MTREX: variants seen among roughly 807,000 people sequenced by gnomAD.
The protein encoded by MTREX is exosome RNA helicase MTR4.
A neutral mutation model predicts 135.4 loss-of-function variants in MTREX; 76 were observed. The ratio of observed to expected loss-of-function variants is 0.56; its 90% CI spans 0.47 to 0.68. The LOEUF is 0.68. MTREX is among the 30% of genes least tolerant of loss of function. The pLI is 0.00. For synonymous variants in MTREX, 404 were observed against 401.6 expected, an observed-to-expected ratio of 1.01 and a Z score of -0.07; for missense variants, 920 against 1,262.1, an observed-to-expected ratio of 0.73 and a Z score of 4.11.
At chr5:55,398,926 G>A (rs528263626) in intron 20 of MTREX, among the ~76,000 whole-genome samples, 7 of 152,256 alleles carry the variant, frequency 4.6e-5, no homozygotes, top group Admixed American at 2.6e-4. Flanking sequence ...ATAGTGAGAA[G>A]CCACAGGAGG....
At chr5:55,351,220 ATT>A (rs1171924528) in intron 13 of MTREX, among the ~76,000 whole-genome samples, 191 bp downstream of exon 13, 2 of 152,048 alleles carry the variant, frequency 1.3e-5, no homozygotes, top group African/African-American at 4.8e-5. Flanking sequence ...AAAAAAAAAC[ATT>A]TGTTTCCTTT....
intron 5 of MTREX, among the ~76,000 whole-genome samples, chr5:55,332,430 T>C (rs1749493218): frequency 6.6e-6 from 1 of 152,214 alleles, no homozygotes; most frequent in Non-Finnish European, 1.5e-5. Context: ...GCACCAGTCA[T>C]CCTGTTCATC....
chr5:55,386,054 G>C (rs936483236), intron 18 of MTREX, among the ~76,000 whole-genome samples: 1 of 152,076 alleles, frequency 6.6e-6, no homozygotes, highest in African/African-American at 2.4e-5. Flanking sequence ...TGGGATCTAG[G>C]TCAGAATACA....
chr5:55,327,839 C>T, intron 4 of MTREX, 61 bp downstream of exon 4: 2 of 1,244,430 alleles, frequency 1.6e-6, no homozygotes, highest in Non-Finnish European at 2.3e-6. Context: ...TCTTAAAATT[C>T]TTATTTCAAA....
At chr5:55,379,285 AT>A in intron 18 of MTREX, 90 bp downstream of exon 18, 1 of 735,498 alleles carries the variant, frequency 1.4e-6, no homozygotes, top group Non-Finnish European at 2.3e-6. Context: ...AAGAAATAAT[AT>A]TACCTGAAGA....
Position 55,405,412 on chromosome 5 carries a change from T to C in MTREX, c.2482-13T>C. On this transcript the variant is annotated splice_polypyrimidine_tract_variant and intron_variant, in intron 21 of 26. Coordinates refer to ENST00000230640, the MANE Select transcript of MTREX (RefSeq NM_015360.5). ...TTATTATTGAACTTTCTTTATACTT[T>C]CATGTGCTTTAGATTGCAATAGATA... The C allele has an allele frequency of 6.2e-7, 1 of 1,604,074 alleles. No homozygotes were observed. Among genetic ancestry groups the C allele is most frequent in the Non-Finnish European group, 8.5e-7 (1 of 1,172,526 alleles).
At chr5:55,414,712 T>G (rs1750940096) in intron 24 of MTREX, among the ~76,000 whole-genome samples, 1 of 152,156 alleles carries the variant, frequency 6.6e-6, no homozygotes. Flanking sequence ...TGCAGTGGCG[T>G]GATCTGGGCT....
chr5:55,397,170 C>G (rs1750659112), intron 19 of MTREX, among the ~76,000 whole-genome samples: 1 of 152,050 alleles, frequency 6.6e-6, no homozygotes, highest in African/African-American at 2.4e-5. Flanking sequence ...GAGGGGAGCT[C>G]TTATTTTTAT....
chr5:55,316,343 C>G (rs892025586), intron 1 of MTREX, among the ~76,000 whole-genome samples: 1 of 152,048 alleles, frequency 6.6e-6, no homozygotes, highest in Non-Finnish European at 1.5e-5. Flanking sequence ...CAAAAAACTT[C>G]AGGCCACTAT....
chr5:55,321,359 C>T (rs1749287262), intron 1 of MTREX, among the ~76,000 whole-genome samples: 1 of 152,170 alleles, frequency 6.6e-6, no homozygotes, highest in East Asian at 1.9e-4. Context: ...TTCTAAAGTG[C>T]CCACTAAGTC....
intron 18 of MTREX, among the ~76,000 whole-genome samples, chr5:55,381,820 GTCTA>G (rs1410873623): frequency 6.6e-6 from 1 of 152,112 alleles, no homozygotes; most frequent in Non-Finnish European, 1.5e-5. Flanking sequence ...TGTCTGGTTG[GTCTA>G]TCTATTATTG....
At chr5:55,373,721 G>C (rs28526277) in intron 16 of MTREX, among the ~76,000 whole-genome samples, 1 of 151,760 alleles carries the variant, frequency 6.6e-6, no homozygotes, top group Non-Finnish European at 1.5e-5. Context: ...TCTAAACTTA[G>C]GACTTGTGAC....
intron 16 of MTREX, among the ~76,000 whole-genome samples, chr5:55,368,776 G>C (rs1397887123): frequency 6.6e-6 from 1 of 151,432 alleles, no homozygotes; most frequent in East Asian, 2.0e-4. Flanking sequence ...TTAATAAAGT[G>C]ATGAGAATAA....
chr5:55,319,293 A>G (rs770252703), intron 1 of MTREX, among the ~76,000 whole-genome samples: 1 of 152,214 alleles, frequency 6.6e-6, no homozygotes, highest in Non-Finnish European at 1.5e-5. Flanking sequence ...AATGTCCTTT[A>G]TAAGAAAATA....
chr5:55,396,625 T>G lies in MTREX; in HGVS notation c.2182-791T>G, dbSNP rs1579892138. ...AATTATCGAACCTTTCTACCTGTAC[T>G]AGAAAATCTAGAAAGGTTAGATAAT... On this transcript the variant is annotated intron_variant, in intron 19 of 26. Coordinates refer to ENST00000230640, the MANE Select transcript of MTREX (RefSeq NM_015360.5). Among the ~76,000 whole-genome samples the G allele has an allele frequency of 3.3e-5, 5 of 152,330 alleles. No homozygotes were observed. The South Asian group carries it at 1.0e-3, about 32-fold the overall frequency.
chr5:55,347,954 C>G (rs1749765959), intron 11 of MTREX, among the ~76,000 whole-genome samples: 1 of 152,132 alleles, frequency 6.6e-6, no homozygotes, highest in East Asian at 1.9e-4. Context: ...GAGACTTAGT[C>G]ACTGTCACGA....
chr5:55,392,484 A>G (rs1396908559), intron 19 of MTREX, among the ~76,000 whole-genome samples: 1 of 150,402 alleles, frequency 6.6e-6, no homozygotes, highest in Non-Finnish European at 1.5e-5. Flanking sequence ...TAGAGGTTGC[A>G]GTGAGCCAAG....
At chr5:55,333,498 A>C (rs942348909) in intron 5 of MTREX, among the ~76,000 whole-genome samples, 15 of 152,102 alleles carry the variant, frequency 9.9e-5, no homozygotes, top group African/African-American at 3.6e-4. Context: ...TTTGGCCATT[A>C]GTGTAACCTT....
intron 1 of MTREX, among the ~76,000 whole-genome samples, chr5:55,312,595 T>G (rs1337917466): frequency 6.6e-6 from 1 of 152,216 alleles, no homozygotes. Context: ...TCCTTTTACA[T>G]GGCTTCTTTT....
Sources: allele counts gnomAD v4.1 joint callset (sites outside exome capture counted in the v4.1 genomes callset), GRCh38; gene constraint gnomAD v4.1.1; transcripts MANE v1.5; gene names NCBI Gene and HGNC (gene_info 2026-07-23, HGNC 2026-07-21).